ALDH1A2: variants seen among roughly 807,000 people sequenced by gnomAD.
ALDH1A2 encodes the protein retinal dehydrogenase 2.
Under a neutral mutation model 60.3 loss-of-function variants are expected in ALDH1A2, and 27 were observed. The ratio of observed to expected loss-of-function variants is 0.45; its 90% confidence interval spans 0.33 to 0.62. The LOEUF (loss-of-function observed/expected upper bound fraction) is 0.62. ALDH1A2 is among the 20% of genes least tolerant of loss of function. ALDH1A2 has a pLI of 0.02. For synonymous variants in ALDH1A2, 289 were observed against 232.4 expected (o/e 1.24, Z -2.21); for missense variants, 581 against 643.8 (o/e 0.90, Z 1.06).
chr15:57,987,944 A>G (rs1894764723), intron 7 of ALDH1A2, among the ~76,000 whole-genome samples: 1 of 151,730 alleles, frequency 6.6e-6, no homozygotes, highest in African/African-American at 2.4e-5. Flanking sequence ...ACAAAAGCTG[A>G]GAGAAGTCAT....
chr15:58,012,949 C>T (rs1895676513), intron 3 of ALDH1A2, among the ~76,000 whole-genome samples: 1 of 152,120 alleles, frequency 6.6e-6, no homozygotes, highest in Non-Finnish European at 1.5e-5. Flanking sequence ...ATGTATAGTG[C>T]ATACATTCCT....
intron 7 of ALDH1A2, among the ~76,000 whole-genome samples, chr15:57,976,509 A>G (rs1894263834): frequency 6.6e-6 from 1 of 152,114 alleles, no homozygotes; most frequent in African/African-American, 2.4e-5. Context: ...GAATGAGAAC[A>G]TATGGTGTTT....
chr15:57,955,498 T>A (rs1893491252), intron 12 of ALDH1A2, among the ~76,000 whole-genome samples: 1 of 152,222 alleles, frequency 6.6e-6, no homozygotes, highest in African/African-American at 2.4e-5. Context: ...TAAAGTTTTT[T>A]AAAGTAGTTT....
At chr15:58,029,624 TG>T (rs2068521846) in intron 1 of ALDH1A2, among the ~76,000 whole-genome samples, 2 of 149,922 alleles carry the variant, frequency 1.3e-5, no homozygotes, top group Admixed American at 1.3e-4. Flanking sequence ...GCTGGTTTTT[TG>T]AAAAGATCAA....
At chr15:57,987,572 A>AAAGTT (rs1894745384) in intron 7 of ALDH1A2, among the ~76,000 whole-genome samples, 1 of 152,050 alleles carries the variant, frequency 6.6e-6, no homozygotes, top group Non-Finnish European at 1.5e-5. Flanking sequence ...TCCAGAAAAA[A>AAAGTT]AAGTTAGTTA....
intron 7 of ALDH1A2, chr15:57,991,666 CTT>C (rs1167716159): frequency 2.0e-5 from 3 of 152,218 alleles, no homozygotes; most frequent in South Asian, 2.1e-4. Context: ...GTATTAATAA[CTT>C]ATAGTGATTA....
chr15:58,063,477 A>G (rs1463688691), intron 1 of ALDH1A2, among the ~76,000 whole-genome samples: 3 of 152,174 alleles, frequency 2.0e-5, no homozygotes, highest in African/African-American at 7.2e-5. Context: ...AAAACTCACT[A>G]TTAATCTTAT....
At chr15:58,058,575 T>C (rs1265280391) in intron 1 of ALDH1A2, among the ~76,000 whole-genome samples, 1 of 151,940 alleles carries the variant, frequency 6.6e-6, no homozygotes. Context: ...TATAACTTTT[T>C]AATATTTTGA....
chr15:57,979,088 C>T (rs1230447672), intron 7 of ALDH1A2, among the ~76,000 whole-genome samples: 1 of 152,068 alleles, frequency 6.6e-6, no homozygotes, highest in Non-Finnish European at 1.5e-5. Flanking sequence ...GGCCCAACCA[C>T]TCAGCATCCA....
chr15:58,023,985 G>A (rs1896003097), intron 1 of ALDH1A2, among the ~76,000 whole-genome samples: 1 of 152,028 alleles, frequency 6.6e-6, no homozygotes, highest in African/African-American at 2.4e-5. Flanking sequence ...CTCAGCTACT[G>A]GGAAGGCTGA....
At chr15:58,013,737 G>T in intron 3 of ALDH1A2, 121 bp downstream of exon 3, 1 of 1,347,654 alleles carries the variant, frequency 7.4e-7, no homozygotes, top group Non-Finnish European at 9.9e-7. Flanking sequence ...GGGCGACAGA[G>T]CTAGACTCCG....
chr15:57,992,335 A>T (rs1894923013), intron 7 of ALDH1A2, among the ~76,000 whole-genome samples: 1 of 152,170 alleles, frequency 6.6e-6, no homozygotes, highest in African/African-American at 2.4e-5. Flanking sequence ...CACCTACCGG[A>T]CCTGTCCAAA....
At chr15:57,999,660 C>G (rs1264220334) in intron 4 of ALDH1A2, among the ~76,000 whole-genome samples, 1 of 151,970 alleles carries the variant, frequency 6.6e-6, no homozygotes, top group African/African-American at 2.4e-5. Flanking sequence ...TGTGGCAATT[C>G]CTCAAAGACC....
chr15:58,013,421 A>G (rs1895693626), intron 3 of ALDH1A2, among the ~76,000 whole-genome samples: 1 of 152,206 alleles, frequency 6.6e-6, no homozygotes, highest in South Asian at 2.1e-4. Flanking sequence ...GAGAAAAGAT[A>G]TTCAGCTGAT....
chr15:58,037,093 G>T (rs946836724), intron 1 of ALDH1A2, among the ~76,000 whole-genome samples: 1 of 151,592 alleles, frequency 6.6e-6, no homozygotes, highest in Non-Finnish European at 1.5e-5. Flanking sequence ...TGATGAAGGT[G>T]CCCCTTGGAT....
In ALDH1A2 at chr15:57,990,995, C is replaced by T. The variant is rs1894878815; in HGVS notation, c.798+1710G>A. 2.0e-5 allele frequency among the ~76,000 whole-genome samples: 3 copies of T among 151,982 alleles called. No homozygotes were observed. In the South Asian group the frequency reaches 6.2e-4, roughly 32 times the overall value. On this transcript the variant is annotated intron_variant, in intron 7 of 12. Coordinates refer to ENST00000249750, the MANE Select transcript of ALDH1A2 (RefSeq NM_003888.4). ...AGATACTTTAAATATTTCATTTCTC[C>T]AGTCTTTTGATATAGAACCAAGAAC...
chr15:58,059,580 T>C (rs192201682), intron 1 of ALDH1A2, among the ~76,000 whole-genome samples: 27 of 152,334 alleles, frequency 1.8e-4, no homozygotes, highest in Admixed American at 1.7e-3. Flanking sequence ...TTATCCTAAC[T>C]ACTTAAAATA....
chr15:58,012,796 G>GA (rs1229379607), intron 3 of ALDH1A2, among the ~76,000 whole-genome samples: 11 of 152,196 alleles, frequency 7.2e-5, no homozygotes, highest in African/African-American at 9.6e-5. Context: ...CTGAGAAAGG[G>GA]AAAAAATGAT....
chr15:57,954,969 C>G lies in ALDH1A2; in HGVS notation c.*228G>C. The stretch of plus-strand genomic sequence containing the variant: ...AGCTCCTCCTCCTCCCTTTATCCCA[C>G]TTTCCCCAATATTTGGTATGATTAA... On this transcript the variant is annotated 3_prime_UTR_variant, in exon 13 of 13. Coordinates refer to ENST00000249750, the MANE Select transcript of ALDH1A2 (RefSeq NM_003888.4). 1 of 598,576 alleles carries G rather than the reference C, an allele frequency of 1.7e-6. No individual in the cohort carries two copies. The highest frequency in any genetic ancestry group is 2.8e-5 in the East Asian group (1 of 35,364). The allele number at this position is 598,576 out of a possible 1,614,324, so 37.1% of individuals were successfully genotyped here.
Sources: gnomAD v4.1 joint callset for allele counts (sites outside exome capture counted in the v4.1 genomes callset) on GRCh38, gnomAD v4.1.1 for gene constraint, MANE v1.5 for transcripts, NCBI Gene and HGNC (gene_info 2026-07-23, HGNC 2026-07-21) for gene names.